The following GALNT13 variants were observed in gnomAD, a reference collection of about 807,000 sequenced individuals.
GALNT13 encodes UDP-GalNAc:polypeptide N-acetylgalactosaminyltransferase 13.
Under a neutral mutation model 64.2 loss-of-function variants are expected in GALNT13, and 28 were observed. The observed-to-expected ratio is 0.44, with a 90% CI of 0.32 to 0.60. The LOEUF is 0.60. Ranked by LOEUF, GALNT13 falls within the 20% of genes least tolerant of loss-of-function variation. GALNT13 has a pLI of 0.05. For missense variants in GALNT13, 577 were observed against 669.8 expected, an observed-to-expected ratio of 0.86 and a Z score of 1.53; for synonymous variants, 214 against 224.6, an observed-to-expected ratio of 0.95 and a Z score of 0.42.
chr2:154,213,876 G>T (rs182949829), intron 4 of GALNT13, among the ~76,000 whole-genome samples: 55 of 152,222 alleles, frequency 3.6e-4, no homozygotes, highest in Non-Finnish European at 2.4e-4. Context: ...TCTGATAAGA[G>T]TTAGAGTAAT....
intron 2 of GALNT13, among the ~76,000 whole-genome samples, chr2:153,940,831 T>G (rs1691291460): frequency 6.6e-6 from 1 of 152,154 alleles, no homozygotes; most frequent in Non-Finnish European, 1.5e-5. Context: ...GAAAATAGAC[T>G]GAAAACATTT....
intron 11 of GALNT13, among the ~76,000 whole-genome samples, chr2:154,416,926 A>C (rs1205023955): frequency 6.6e-6 from 1 of 152,074 alleles, no homozygotes; most frequent in Non-Finnish European, 1.5e-5. Context: ...ATTGTTTCAA[A>C]CTCAGTGTGT....
chr2:153,392,319 A>G, the GALNT13 span, among the ~76,000 whole-genome samples: 9 of 151,700 alleles, frequency 5.9e-5, no homozygotes, highest in Admixed American at 4.6e-4. Context: ...TACACTAAGA[A>G]AAAAAATGAA....
chr2:153,411,179 ATT>A, the GALNT13 span, among the ~76,000 whole-genome samples: 14,602 of 128,116 alleles, frequency 0.11, 796 homozygotes, highest in South Asian at 0.18. Context: ...ATATATATAT[ATT>A]TTTTTTTTTT....
At chr2:154,328,464 A>G (rs1694993238) in intron 9 of GALNT13, among the ~76,000 whole-genome samples, 2 of 151,892 alleles carry the variant, frequency 1.3e-5, no homozygotes, top group Admixed American at 1.3e-4. Context: ...GTCTCAAACT[A>G]TATGTTATTG....
At chr2:153,164,399 T>G in the GALNT13 span, among the ~76,000 whole-genome samples, 3 of 152,182 alleles carry the variant, frequency 2.0e-5, no homozygotes, top group Non-Finnish European at 4.4e-5. Context: ...TATGTTTTTT[T>G]GGGAGGTTCC....
At chr2:153,336,907 G>T in the GALNT13 span, among the ~76,000 whole-genome samples, 1 of 152,092 alleles carries the variant, frequency 6.6e-6, no homozygotes, top group Non-Finnish European at 1.5e-5. Context: ...ACTTTCCCGT[G>T]CTATTCTTGT....
chr2:154,372,806 A>C (rs1044250116), intron 9 of GALNT13, among the ~76,000 whole-genome samples: 2 of 93,006 alleles, frequency 2.2e-5, no homozygotes, highest in Non-Finnish European at 5.4e-5. Context: ...CACAGTGTGC[A>C]TACATTGCTC....
At chr2:154,431,997 A>T (rs946754266) in intron 11 of GALNT13, among the ~76,000 whole-genome samples, 1 of 152,174 alleles carries the variant, frequency 6.6e-6, no homozygotes, top group Non-Finnish European at 1.5e-5. Flanking sequence ...GTGAGAACGG[A>T]CTAAAACATC....
At chr2:154,342,847 TGC>T (rs771681521) in intron 9 of GALNT13, among the ~76,000 whole-genome samples, 7 of 150,910 alleles carry the variant, frequency 4.6e-5, no homozygotes, top group African/African-American at 1.7e-4. Flanking sequence ...TGTGTGTGTG[TGC>T]GAGATTTCTT....
the GALNT13 span, among the ~76,000 whole-genome samples, chr2:153,293,832 T>G: frequency 6.6e-6 from 1 of 151,950 alleles, no homozygotes; most frequent in South Asian, 2.1e-4. Flanking sequence ...TTACTCTGTA[T>G]CTAGGCTGAA....
intron 7 of GALNT13, among the ~76,000 whole-genome samples, chr2:154,251,760 T>G (rs986038356): frequency 1.3e-5 from 2 of 152,188 alleles, no homozygotes; most frequent in Non-Finnish European, 2.9e-5. Flanking sequence ...TTCATCACTC[T>G]GATAGAAAAG....
chr2:153,202,574 C>T, the GALNT13 span, among the ~76,000 whole-genome samples: 1 of 152,192 alleles, frequency 6.6e-6, no homozygotes, highest in Non-Finnish European at 1.5e-5. Context: ...TCCTGACATT[C>T]TACAAGTGTG....
the GALNT13 span, among the ~76,000 whole-genome samples, chr2:153,547,003 T>G: frequency 6.6e-6 from 1 of 152,230 alleles, no homozygotes; most frequent in Admixed American, 6.5e-5. Flanking sequence ...TAGCTTGGCA[T>G]GTAATTTGGT....
At chr2:154,374,079 C>A (rs1697844314) in intron 9 of GALNT13, among the ~76,000 whole-genome samples, 1 of 152,168 alleles carries the variant, frequency 6.6e-6, no homozygotes, top group Non-Finnish European at 1.5e-5. Flanking sequence ...AGCCTTCTTC[C>A]TTTCCCGGCT....
At chr2:153,199,374 G>A in the GALNT13 span, among the ~76,000 whole-genome samples, 10 of 152,248 alleles carry the variant, frequency 6.6e-5, no homozygotes, top group East Asian at 1.9e-4. Context: ...CACTCATCCC[G>A]GTTCTGACTA....
intron 3 of GALNT13, among the ~76,000 whole-genome samples, chr2:154,058,854 AAGG>A (rs1218098501): frequency 1.3e-5 from 2 of 152,178 alleles, no homozygotes; most frequent in African/African-American, 4.8e-5. Flanking sequence ...GTAGGGTTTT[AAGG>A]AGAAGGGTAA....
intron 9 of GALNT13, among the ~76,000 whole-genome samples, chr2:154,341,524 T>C (rs1390214390): frequency 2.6e-5 from 4 of 151,900 alleles, no homozygotes; most frequent in Non-Finnish European, 5.9e-5. Context: ...ATTCCAGACA[T>C]AGGTGGGACT....
At chr2:153,781,225 C>T in the GALNT13 span, among the ~76,000 whole-genome samples, 1 of 152,020 alleles carries the variant, frequency 6.6e-6, no homozygotes, top group African/African-American at 2.4e-5. Context: ...TATATTTTGC[C>T]ACTTTAAGAT....
Sources: gnomAD v4.1 joint callset for allele counts (sites outside exome capture counted in the v4.1 genomes callset) on GRCh38, gnomAD v4.1.1 for gene constraint, MANE v1.5 for transcripts, NCBI Gene and HGNC (gene_info 2026-07-23, HGNC 2026-07-21) for gene names.